SH3RF3: variants seen among roughly 807,000 people sequenced by gnomAD.
SH3RF3 encodes SH3 domain containing ring finger 3, also known as E3 ubiquitin-protein ligase SH3RF3.
SH3RF3 carries 29 observed loss-of-function variants against 66.3 expected under a neutral mutation model. The ratio of observed to expected loss-of-function variants is 0.44; its 90% confidence interval spans 0.33 to 0.60. The LOEUF (loss-of-function observed/expected upper bound fraction) is 0.60, where lower values mean the gene tolerates loss of function less well. Ranked by LOEUF, SH3RF3 falls within the 20% of genes least tolerant of loss-of-function variation. The pLI is 0.04. For missense variants in SH3RF3, 1,194 were observed against 1,190.9 expected, an observed-to-expected ratio of 1.00 and a Z score of -0.04; for synonymous variants, 583 against 532.0, an observed-to-expected ratio of 1.10 and a Z score of -1.32.
chr2:109,131,127 C>T (rs1676683306), intron 1 of SH3RF3, among the ~76,000 whole-genome samples: 1 of 152,140 alleles, frequency 6.6e-6, no homozygotes, highest in Middle Eastern at 3.2e-3. Context: ...ATGTGTAATC[C>T]TGAAATGCTG....
intron 8 of SH3RF3, among the ~76,000 whole-genome samples, chr2:109,469,818 G>T (rs1023072579): frequency 1.3e-5 from 2 of 152,184 alleles, no homozygotes; most frequent in African/African-American, 2.4e-5. Context: ...AGGTAGATCC[G>T]AATTTTTCCA....
intron 4 of SH3RF3, among the ~76,000 whole-genome samples, chr2:109,410,171 C>T (rs1157782439): frequency 6.6e-6 from 1 of 152,218 alleles, no homozygotes; most frequent in African/African-American, 2.4e-5. Context: ...AATCGGGGAA[C>T]CGCGGCCACA....
At chr2:109,337,477 A>G (rs1273203307) in intron 1 of SH3RF3, among the ~76,000 whole-genome samples, 1 of 152,182 alleles carries the variant, frequency 6.6e-6, no homozygotes, top group Non-Finnish European at 1.5e-5. Flanking sequence ...AAATGGTGAT[A>G]AGGGACTGTG....
At chr2:109,336,519 G>A (rs553649538) in intron 1 of SH3RF3, among the ~76,000 whole-genome samples, 20 of 152,336 alleles carry the variant, frequency 1.3e-4, no homozygotes, top group Admixed American at 2.0e-4. Flanking sequence ...GTGAGGCCCC[G>A]TGTACCCCGC....
chr2:109,240,344 C>G (rs1411123341), intron 1 of SH3RF3, among the ~76,000 whole-genome samples: 2 of 152,064 alleles, frequency 1.3e-5, no homozygotes, highest in Admixed American at 6.6e-5. Flanking sequence ...AAAAATTAGT[C>G]AGGTGTGGTG....
At chr2:109,156,310 C>T (rs576249843) in intron 1 of SH3RF3, among the ~76,000 whole-genome samples, 3 of 152,356 alleles carry the variant, frequency 2.0e-5, no homozygotes, top group South Asian at 4.1e-4. Flanking sequence ...TTCTCCGCCC[C>T]TCGCATCTTC....
At chr2:109,378,317 C>T (rs1683436576) in intron 3 of SH3RF3, among the ~76,000 whole-genome samples, 1 of 152,148 alleles carries the variant, frequency 6.6e-6, no homozygotes, top group African/African-American at 2.4e-5. Context: ...TAAGAGAAAC[C>T]CAGCATGCCA....
At chr2:109,395,617 A>G (rs1676120986) in intron 3 of SH3RF3, among the ~76,000 whole-genome samples, 1 of 152,186 alleles carries the variant, frequency 6.6e-6, no homozygotes, top group South Asian at 2.1e-4. Flanking sequence ...TGAGGGATGC[A>G]TGCTGTCTCC....
rs1016399389 is a variant in SH3RF3, at chr2:109,129,538, C to T, written c.-3C>T. 6 of 1,497,314 alleles carry T rather than the reference C, an allele frequency of 4.0e-6. No individual in the cohort carries two copies. Among genetic ancestry groups the T allele is most frequent in the Admixed American group, 2.1e-5 (1 of 46,964 alleles). The allele number at this position is 1,497,314 out of a possible 1,614,324, so 92.8% of individuals were successfully genotyped here. A position where few individuals can be genotyped will look rare whatever the true frequency, so the allele number is the denominator to read the frequency against. On this transcript the variant is annotated 5_prime_UTR_variant, in exon 1 of 10. Transcript: ENST00000309415. Reference sequence around the variant, plus strand: ...GCGCGAGACCGCTGCGGGCGCCTCCCCCATGCTGCTCGGAGCGTCCTGGCT... The same window carrying T: ...GCGCGAGACCGCTGCGGGCGCCTCCTCCATGCTGCTCGGAGCGTCCTGGCT...
At chr2:109,203,807 C>T (rs544463380) in intron 1 of SH3RF3, among the ~76,000 whole-genome samples, 5 of 129,482 alleles carry the variant, frequency 3.9e-5, no homozygotes, top group South Asian at 2.4e-4. Context: ...GTCTCATGCA[C>T]GCCTCGACTC....
At chr2:109,388,456 G>C (rs1349401280) in intron 3 of SH3RF3, among the ~76,000 whole-genome samples, 1 of 152,158 alleles carries the variant, frequency 6.6e-6, no homozygotes, top group Non-Finnish European at 1.5e-5. Flanking sequence ...ACTCATGCAA[G>C]ATCCACCACC....
intron 1 of SH3RF3, among the ~76,000 whole-genome samples, chr2:109,137,253 A>G (rs528336114): frequency 3.3e-5 from 5 of 152,126 alleles, no homozygotes; most frequent in African/African-American, 1.2e-4. Flanking sequence ...TTATTCTTCC[A>G]TAGTCTAGAT....
At chr2:109,489,573 G>A (rs1052624339) in intron 8 of SH3RF3, among the ~76,000 whole-genome samples, 2 of 152,216 alleles carry the variant, frequency 1.3e-5, no homozygotes, top group Non-Finnish European at 2.9e-5. Context: ...GCTTGGCCAG[G>A]GTCCCGTGAC....
chr2:109,472,239 A>G (rs1356975293), intron 8 of SH3RF3, among the ~76,000 whole-genome samples: 1 of 152,192 alleles, frequency 6.6e-6, no homozygotes, highest in Non-Finnish European at 1.5e-5. Flanking sequence ...GCACTTATTC[A>G]GGGAGGTGCC....
rs558067941 is a variant in SH3RF3 at position 109,265,622 on chromosome 2, G to A, written c.574-82052G>A. Among the ~76,000 whole-genome samples, 22 of 152,378 alleles carry A rather than the reference G, an allele frequency of 1.4e-4. No individual in the cohort carries two copies. In the East Asian group the frequency reaches 1.9e-3, roughly 13 times the overall value. On this transcript the variant is annotated intron_variant, in intron 1 of 9. Transcript: ENST00000309415. The stretch of plus-strand genomic sequence containing the variant: ...CAGAAAGCCCCCCAGGGGCCTGCAT[G>A]GGTCCTGCCAGGTGGCCAACGCTGA...
chr2:109,200,028 A>G (rs1443089550), intron 1 of SH3RF3, among the ~76,000 whole-genome samples: 1 of 152,010 alleles, frequency 6.6e-6, no homozygotes, highest in Admixed American at 6.5e-5. Context: ...GCTGTGATGC[A>G]TGGGACAGCC....
intron 8 of SH3RF3, among the ~76,000 whole-genome samples, chr2:109,487,301 T>C (rs1679008849): frequency 6.6e-6 from 1 of 152,182 alleles, no homozygotes; most frequent in South Asian, 2.1e-4. Flanking sequence ...ATGCCAACTG[T>C]CCATTGGCTA....
At chr2:109,447,919 C>G (rs1445326833) in intron 7 of SH3RF3, among the ~76,000 whole-genome samples, 1 of 152,124 alleles carries the variant, frequency 6.6e-6, no homozygotes, top group Non-Finnish European at 1.5e-5. Flanking sequence ...ACCTGGAAGC[C>G]CGGTGCTTCG....
intron 7 of SH3RF3, among the ~76,000 whole-genome samples, chr2:109,446,384 A>T (rs1299162755): frequency 6.6e-6 from 1 of 152,188 alleles, no homozygotes; most frequent in Non-Finnish European, 1.5e-5. Flanking sequence ...TCCCCACCTC[A>T]TGGAGCTCCG....
Sources: gnomAD v4.1 joint callset for allele counts (sites outside exome capture counted in the v4.1 genomes callset) on GRCh38, gnomAD v4.1.1 for gene constraint, MANE v1.5 for transcripts, NCBI Gene and HGNC (gene_info 2026-07-23, HGNC 2026-07-21) for gene names.